The following HS3ST4 variants were observed in gnomAD, a reference collection of about 807,000 sequenced individuals.
HS3ST4 encodes heparan sulfate-glucosamine 3-sulfotransferase 4, also known as heparan sulfate glucosamine 3-O-sulfotransferase 4.
In HS3ST4, 17 loss-of-function variants were observed where a neutral mutation model predicts 29.2. That is an observed-to-expected ratio of 0.58 (90% confidence interval 0.40 to 0.87). The LOEUF is 0.87. Ranked by LOEUF, HS3ST4 falls within the 40% of genes least tolerant of loss-of-function variation. The pLI, the probability that HS3ST4 is intolerant of heterozygous loss-of-function variation, is 0.00. For synonymous variants in HS3ST4, 314 were observed against 285.7 expected (o/e 1.10, Z -1.00); for missense variants, 627 against 634.5 (o/e 0.99, Z 0.13).
At chr16:26,124,480 A>G (rs929220372) in intron 1 of HS3ST4, among the ~76,000 whole-genome samples, 4 of 152,238 alleles carry the variant, frequency 2.6e-5, no homozygotes, top group African/African-American at 7.2e-5. Flanking sequence ...TTGGATAAGT[A>G]AAGTGGGTTC....
intron 1 of HS3ST4, among the ~76,000 whole-genome samples, chr16:25,744,461 A>C (rs1966673269): frequency 6.6e-6 from 1 of 152,234 alleles, no homozygotes; most frequent in African/African-American, 2.4e-5. Context: ...CCTAAATAGC[A>C]GTGCCTTAAA....
intron 1 of HS3ST4, among the ~76,000 whole-genome samples, chr16:26,044,548 C>A (rs1382394782): frequency 2.6e-5 from 4 of 152,174 alleles, no homozygotes; most frequent in African/African-American, 9.7e-5. Flanking sequence ...CCAGACCTTG[C>A]CCCATGCATC....
intron 1 of HS3ST4, among the ~76,000 whole-genome samples, chr16:26,077,393 A>G (rs1898675285): frequency 6.6e-6 from 1 of 152,328 alleles, no homozygotes; most frequent in Non-Finnish European, 1.5e-5. Context: ...ATAACAGTCT[A>G]TGGTATCTGG....
chr16:26,025,621 A>T (rs1969462843), intron 1 of HS3ST4, among the ~76,000 whole-genome samples: 1 of 152,188 alleles, frequency 6.6e-6, no homozygotes, highest in South Asian at 2.1e-4. Flanking sequence ...TGATGAAGTC[A>T]ACTATTTGGC....
At chr16:25,717,398 G>C (rs188214707) in intron 1 of HS3ST4, among the ~76,000 whole-genome samples, 3 of 152,004 alleles carry the variant, frequency 2.0e-5, no homozygotes, top group African/African-American at 7.3e-5. Flanking sequence ...TATAATAAAG[G>C]CTGCAATTTG....
In HS3ST4 at chr16:25,862,381, C is replaced by T. The variant is rs8048454; in HGVS notation, c.734+169230C>T. Among the ~76,000 whole-genome samples the T allele has an allele frequency of 7.9e-3, 1,198 of 152,106 alleles. 11 individuals are homozygous for T. Among genetic ancestry groups the T allele is most frequent in the African/African-American group, 0.027 (1,134 of 41,508 alleles). On this transcript the variant is annotated intron_variant, in intron 1 of 1. Transcript: ENST00000331351. ...CTAATTTTTGTAGTTTTAGTAGAAACGGGGTTTCACTATATAGCCCAGGCT... is the reference window on the plus strand; with the variant it reads ...CTAATTTTTGTAGTTTTAGTAGAAATGGGGTTTCACTATATAGCCCAGGCT...
chr16:25,981,538 T>C (rs1969005469), intron 1 of HS3ST4, among the ~76,000 whole-genome samples: 1 of 150,904 alleles, frequency 6.6e-6, no homozygotes, highest in African/African-American at 2.4e-5. Context: ...GATCTCTTCC[T>C]CGGGCTAGAT....
At chr16:25,889,065 A>G (rs181293613) in intron 1 of HS3ST4, among the ~76,000 whole-genome samples, 1 of 152,292 alleles carries the variant, frequency 6.6e-6, no homozygotes, top group African/African-American at 2.4e-5. Context: ...TACAGGCTTT[A>G]TTGGCAGTAT....
chr16:25,760,707 C>T (rs554135469), intron 1 of HS3ST4, among the ~76,000 whole-genome samples: 12 of 152,318 alleles, frequency 7.9e-5, no homozygotes, highest in African/African-American at 1.7e-4. Context: ...GTGTGAACCA[C>T]AGCACCGGGC....
chr16:25,777,170 C>G (rs1966848259), intron 1 of HS3ST4, among the ~76,000 whole-genome samples: 1 of 152,206 alleles, frequency 6.6e-6, no homozygotes, highest in African/African-American at 2.4e-5. Context: ...AATCTCTCCA[C>G]ATAAGTGAGT....
In HS3ST4 at chr16:25,820,488, G is replaced by A. The variant is rs957791035; in HGVS notation, c.734+127337G>A. Among the ~76,000 whole-genome samples, 4 of 152,104 alleles carry A rather than the reference G, an allele frequency of 2.6e-5. No homozygotes were observed. In the East Asian group the frequency reaches 7.7e-4, roughly 29 times the overall value. On this transcript the variant is annotated intron_variant, in intron 1 of 1. Coordinates refer to ENST00000331351, the MANE Select transcript of HS3ST4 (RefSeq NM_006040.3). ...AGCTCACTGTAGCCTCGACCTCTTG[G>A]GCTCAAGAGATCCTCCTGCCTCAGC...
intron 1 of HS3ST4, among the ~76,000 whole-genome samples, chr16:26,046,342 G>A (rs187766674): frequency 1.3e-5 from 2 of 152,000 alleles, no homozygotes; most frequent in South Asian, 2.1e-4. Context: ...GTAGAGACAG[G>A]TTTTTACCAT....
intron 1 of HS3ST4, among the ~76,000 whole-genome samples, chr16:25,806,330 T>C (rs1050091992): frequency 6.7e-6 from 1 of 149,004 alleles, no homozygotes; most frequent in African/African-American, 2.5e-5. Context: ...CGTGTGTGTG[T>C]GTGTATGTGT....
In HS3ST4 at chr16:25,811,480, C is replaced by T. The variant is rs1300112910; in HGVS notation, c.734+118329C>T. ...TGGAGTTTCGCTCTTGTTGCCCAGG[C>T]TGGAGTGCAATGTCACGATCTCGGC... On this transcript the variant is annotated intron_variant, in intron 1 of 1. Transcript: ENST00000331351. Among the ~76,000 whole-genome samples, 3 of 126,802 alleles carry T rather than the reference C, an allele frequency of 2.4e-5. No homozygotes were observed. In the East Asian group the frequency reaches 6.8e-4, roughly 29 times the overall value. 83.2% of individuals were successfully genotyped at this position (126,802 alleles called of 152,430 possible). A position where few individuals can be genotyped will look rare whatever the true frequency, so the allele number is the denominator to read the frequency against.
chr16:25,898,452 C>A (rs1418386033), intron 1 of HS3ST4, among the ~76,000 whole-genome samples: 1 of 152,220 alleles, frequency 6.6e-6, no homozygotes, highest in Non-Finnish European at 1.5e-5. Flanking sequence ...TCCCTTCTTG[C>A]AGATCAGCTT....
intron 1 of HS3ST4, among the ~76,000 whole-genome samples, chr16:25,713,914 G>C (rs113540479): frequency 2.6e-5 from 4 of 152,272 alleles, no homozygotes; most frequent in African/African-American, 9.6e-5. Context: ...TGCTACCTCT[G>C]TTGTCTCTCT....
intron 1 of HS3ST4, among the ~76,000 whole-genome samples, chr16:26,078,394 C>T (rs1473585030): frequency 2.0e-5 from 3 of 152,160 alleles, no homozygotes; most frequent in Admixed American, 6.5e-5. Context: ...GTGATTCAGC[C>T]GCTTCGGCCT....
intron 1 of HS3ST4, among the ~76,000 whole-genome samples, chr16:25,719,378 AGTGAC>A (rs1966478058): frequency 1.8e-5 from 1 of 55,088 alleles, no homozygotes; most frequent in Non-Finnish European, 5.8e-5. Flanking sequence ...CAGACAGACA[AGTGAC>A]AATCACAATT....
At chr16:25,744,001 G>A (rs1596558494) in intron 1 of HS3ST4, among the ~76,000 whole-genome samples, 1 of 152,056 alleles carries the variant, frequency 6.6e-6, no homozygotes, top group African/African-American at 2.4e-5. Flanking sequence ...CATTTTTCAA[G>A]GCCTTTGATT....
Sources: gnomAD v4.1 joint callset for allele counts (sites outside exome capture counted in the v4.1 genomes callset) on GRCh38, gnomAD v4.1.1 for gene constraint, MANE v1.5 for transcripts, NCBI Gene and HGNC (gene_info 2026-07-23, HGNC 2026-07-21) for gene names.